The following SORCS1 variants were observed in gnomAD, a reference collection of about 807,000 sequenced individuals.
The protein encoded by SORCS1 is VPS10 domain-containing receptor SorCS1.
A neutral mutation model predicts 146.1 loss-of-function variants in SORCS1; 60 were observed. The ratio of observed to expected loss-of-function variants is 0.41; its 90% CI spans 0.33 to 0.51. The LOEUF is 0.51. Ranked by LOEUF, SORCS1 falls within the 20% of genes least tolerant of loss-of-function variation. The pLI, the probability that SORCS1 is intolerant of heterozygous loss-of-function variation, is 0.21. For synonymous variants in SORCS1, 637 were observed against 584.0 expected, an observed-to-expected ratio of 1.09 and a Z score of -1.31; for missense variants, 1,352 against 1,487.6, an observed-to-expected ratio of 0.91 and a Z score of 1.50.
chr10:106,629,432 CT>C (rs1848302063), intron 18 of SORCS1, 44 bp from the exon 19 acceptor site: 6 of 1,598,054 alleles, frequency 3.8e-6, no homozygotes, highest in African/African-American at 1.3e-5. Flanking sequence ...TAGTATTCGG[CT>C]GCTCCTGCCT....
chr10:106,937,470 G>C (rs986111839), intron 2 of SORCS1, among the ~76,000 whole-genome samples: 1 of 151,906 alleles, frequency 6.6e-6, no homozygotes, highest in Admixed American at 6.6e-5. Flanking sequence ...GAGTCACTGT[G>C]CCTGGCCAAT....
rs540056891 is a variant in SORCS1, at chr10:106,648,361, T to C, written c.2475+4021A>G. ...ACATTTTGGATACGTTGGAGTCTAA[T>C]ATATATTAGTATTTTTATCTCTTTA... is the stretch of plus-strand genomic sequence containing the variant. On this transcript the variant is annotated intron_variant, in intron 18 of 25. Coordinates refer to ENST00000263054, the MANE Select transcript of SORCS1 (RefSeq NM_052918.5). Among the ~76,000 whole-genome samples, 6 of 152,340 alleles carry C rather than the reference T, an allele frequency of 3.9e-5. No homozygotes were observed. The South Asian group carries it at 6.2e-4, about 16-fold the overall frequency.
At chr10:106,888,869 T>C (rs1951108355) in intron 2 of SORCS1, among the ~76,000 whole-genome samples, 1 of 152,230 alleles carries the variant, frequency 6.6e-6, no homozygotes, top group African/African-American at 2.4e-5. Context: ...GAGTTTACGC[T>C]GGATAAACTA....
At chr10:106,612,294 T>C (rs573463802) in intron 21 of SORCS1, among the ~76,000 whole-genome samples, 150 of 151,590 alleles carry the variant, frequency 9.9e-4, no homozygotes, top group South Asian at 2.5e-3. Context: ...GGGAGGGGGC[T>C]ACAAAGCTGA....
chr10:107,138,713 C>T (rs1967548499), intron 1 of SORCS1, among the ~76,000 whole-genome samples: 1 of 152,116 alleles, frequency 6.6e-6, no homozygotes, highest in South Asian at 2.1e-4. Context: ...GTGTAGAGTA[C>T]ATCTTAAAAT....
chr10:106,629,029 CTT>C (rs1166385970), intron 19 of SORCS1, among the ~76,000 whole-genome samples, 171 bp downstream of exon 19: 1 of 152,186 alleles, frequency 6.6e-6, no homozygotes, highest in Non-Finnish European at 1.5e-5. Context: ...AAATTCTACT[CTT>C]TGATTTTCTT....
At chr10:107,152,521 C>T (rs529265643) in intron 1 of SORCS1, among the ~76,000 whole-genome samples, 74 of 152,240 alleles carry the variant, frequency 4.9e-4, no homozygotes, top group Middle Eastern at 3.4e-3. Context: ...TGGGACCTAG[C>T]GGGAGGTAAC....
intron 1 of SORCS1, among the ~76,000 whole-genome samples, chr10:107,128,658 C>A (rs1966839723): frequency 1.3e-5 from 2 of 152,222 alleles, no homozygotes; most frequent in South Asian, 4.1e-4. Context: ...AGAACTGCTA[C>A]CATTAGTTCC....
At chr10:107,081,430 T>C (rs1459388302) in intron 1 of SORCS1, among the ~76,000 whole-genome samples, 1 of 152,234 alleles carries the variant, frequency 6.6e-6, no homozygotes, top group Non-Finnish European at 1.5e-5. Flanking sequence ...TAAACCATTG[T>C]TGCATAGACC....
intron 1 of SORCS1, among the ~76,000 whole-genome samples, chr10:107,020,961 AC>A (rs1169109941): frequency 6.6e-6 from 1 of 151,636 alleles, no homozygotes; most frequent in Non-Finnish European, 1.5e-5. Flanking sequence ...AACTTTCTCC[AC>A]TTTTTTTTTA....
chr10:107,102,326 A>G lies in SORCS1; in HGVS notation c.558+61643T>C, dbSNP rs115554400. 3.7e-3 allele frequency among the ~76,000 whole-genome samples: 568 copies of G among 152,312 alleles called. 4 individuals are homozygous for G. Among genetic ancestry groups the G allele is most frequent in the African/African-American group, 0.013 (541 of 41,572 alleles). On this transcript the variant is annotated intron_variant, in intron 1 of 25. Transcript: ENST00000263054. ...GCCCTTCTCATGCAAGCCAAGCTGC[A>G]TGGCTCACTGTCCTGAAGCTGGATT...
Position 106,611,825 on chromosome 10 carries a change from T to TG in SORCS1, c.3033+85_3033+86insC. 5 of 1,094,918 alleles carry TG rather than the reference T, an allele frequency of 4.6e-6. No homozygotes were observed. The South Asian group carries it at 5.5e-5, about 12-fold the overall frequency. 67.8% of individuals were successfully genotyped at this position (1,094,918 alleles called of 1,614,324 possible). A position where few individuals can be genotyped will look rare whatever the true frequency, so the allele number is the denominator to read the frequency against. ...TTCCTGCTGGGTTAGTTTGTTTGTT[T>TG]TTGTACAAAGCTCCCCTTTCTGTGA... On this transcript the variant is annotated intron_variant, in intron 22 of 25. Transcript: ENST00000263054.
intron 1 of SORCS1, among the ~76,000 whole-genome samples, chr10:107,004,822 C>T (rs1957373305): frequency 6.6e-6 from 1 of 151,996 alleles, no homozygotes; most frequent in African/African-American, 2.4e-5. Flanking sequence ...TTTTAAAGGA[C>T]AAAATTATAA....
intron 5 of SORCS1, among the ~76,000 whole-genome samples, chr10:106,742,404 G>T (rs1040274110): frequency 6.6e-6 from 1 of 151,900 alleles, no homozygotes; most frequent in African/African-American, 2.4e-5. Context: ...TTTTGAGATG[G>T]AGTCTAGCTC....
intron 9 of SORCS1, among the ~76,000 whole-genome samples, chr10:106,696,194 T>A (rs1257160188): frequency 6.6e-6 from 1 of 152,188 alleles, no homozygotes; most frequent in Non-Finnish European, 1.5e-5. Context: ...TGAGCAGACA[T>A]GCACTCCATG....
chr10:106,591,278 G>A (rs936379237), intron 24 of SORCS1, among the ~76,000 whole-genome samples: 5 of 152,014 alleles, frequency 3.3e-5, no homozygotes, highest in Non-Finnish European at 5.9e-5. Context: ...GGAAGGATAG[G>A]CCCAGTTTTC....
intron 5 of SORCS1, among the ~76,000 whole-genome samples, chr10:106,758,268 T>C (rs556180244): frequency 6.6e-6 from 1 of 152,278 alleles, no homozygotes; most frequent in Admixed American, 6.5e-5. Flanking sequence ...TAATAATGCA[T>C]AAATAAGACC....
At chr10:106,751,756 T>C (rs955310036) in intron 5 of SORCS1, among the ~76,000 whole-genome samples, 1 of 152,250 alleles carries the variant, frequency 6.6e-6, no homozygotes, top group Non-Finnish European at 1.5e-5. Context: ...CTACTCAAGA[T>C]ATTTCAGTCT....
chr10:106,757,675 T>C (rs1159798136), intron 5 of SORCS1, among the ~76,000 whole-genome samples: 1 of 152,214 alleles, frequency 6.6e-6, no homozygotes, highest in Non-Finnish European at 1.5e-5. Context: ...ACAAGCACAG[T>C]TGGCACTGTG....
Sources: gnomAD v4.1 joint callset for allele counts (sites outside exome capture counted in the v4.1 genomes callset) on GRCh38, gnomAD v4.1.1 for gene constraint, MANE v1.5 for transcripts, NCBI Gene and HGNC (gene_info 2026-07-23, HGNC 2026-07-21) for gene names.